The following PCLO variants were observed in gnomAD, a reference collection of about 807,000 sequenced individuals.
PCLO encodes the protein piccolo presynaptic cytomatrix protein.
PCLO carries 82 observed loss-of-function variants against 427.5 expected under a neutral mutation model. The observed-to-expected ratio is 0.19, with a 90% CI of 0.16 to 0.23. PCLO has a LOEUF of 0.23. Ranked by LOEUF, PCLO falls within the 10% of genes least tolerant of loss-of-function variation. The pLI is 1.00. For synonymous variants in PCLO, 2,357 were observed against 2,155.4 expected (o/e 1.09, Z -2.59); for missense variants, 6,239 against 6,115.9 (o/e 1.02, Z -0.67).
chr7:83,155,379 A>T lies in PCLO; in HGVS notation c.1262T>A (p.Leu421Gln). The T allele has an allele frequency of 6.2e-7, 1 of 1,611,808 alleles. No individual in the cohort carries two copies. The highest frequency in any genetic ancestry group is 8.5e-7 in the Non-Finnish European group (1 of 1,179,392). Residue 421 changes from leucine (L) to glutamine (Q), a missense_variant, in exon 2 of 25, where the codon CTA becomes CAA. Leu to Gln is a moderately radical substitution (Grantham distance 113). This residue lies in a region of PCLO where 4,677 missense variants were observed against 4,468.4 expected (regional missense o/e 1.05). Coordinates refer to ENST00000333891, the MANE Select transcript of PCLO (RefSeq NM_033026.6). ...AGACTGTAGCCCAGGTTGTTGAGCT[A>T]GGGGTTTTGGTGTCCCCACCTGCTG... is the stretch of plus-strand genomic sequence containing the variant. ...PTQQVGTPKPLAQQPGLQSPA... is the reference protein window; with the variant it reads ...PTQQVGTPKPQAQQPGLQSPA...
chr7:83,109,760 T>G (rs928133000), intron 3 of PCLO, among the ~76,000 whole-genome samples: 1 of 152,118 alleles, frequency 6.6e-6, no homozygotes, highest in African/African-American at 2.4e-5. Context: ...TATTTTCACC[T>G]AAGAAAAATG....
intron 3 of PCLO, among the ~76,000 whole-genome samples, chr7:83,031,486 G>A (rs1009607516): frequency 6.6e-6 from 1 of 151,994 alleles, no homozygotes; most frequent in African/African-American, 2.4e-5. Flanking sequence ...TCTATATCCT[G>A]GATGTAATAT....
At chr7:83,018,368 C>T (rs1788261106) in intron 3 of PCLO, among the ~76,000 whole-genome samples, 1 of 151,886 alleles carries the variant, frequency 6.6e-6, no homozygotes, top group Admixed American at 6.6e-5. Flanking sequence ...GTACTTTTAT[C>T]TTCAGGGAAT....
chr7:83,047,552 A>G (rs979779241), intron 3 of PCLO, among the ~76,000 whole-genome samples: 1 of 152,032 alleles, frequency 6.6e-6, no homozygotes, highest in South Asian at 2.1e-4. Context: ...ATTATTAATA[A>G]TGGAAAGAAG....
intron 2 of PCLO, among the ~76,000 whole-genome samples, chr7:83,142,216 G>A (rs1161310391): frequency 6.6e-6 from 1 of 152,126 alleles, no homozygotes; most frequent in Non-Finnish European, 1.5e-5. Context: ...ACAATGTTAG[G>A]AATTTATATT....
chr7:83,161,528 T>C (rs1473419664), intron 1 of PCLO, among the ~76,000 whole-genome samples: 1 of 152,200 alleles, frequency 6.6e-6, no homozygotes, highest in African/African-American at 2.4e-5. Flanking sequence ...CAGGCGGAAA[T>C]GAAAACATTC....
chr7:83,156,403 T>TAAA lies in PCLO; in HGVS notation c.249-14_249-12dup, dbSNP rs71074628. 1.1e-4 allele frequency: 119 copies of TAAA among 1,062,454 alleles called. No homozygotes were observed. The highest frequency in any genetic ancestry group is 4.0e-4 in the African/African-American group (23 of 57,746). The allele number at this position is 1,062,454 out of a possible 1,614,324, so 65.8% of individuals were successfully genotyped here. A position where few individuals can be genotyped will look rare whatever the true frequency, so the allele number is the denominator to read the frequency against. ...TCCAACTCTTGTTTCCTAGAAGAGTTAAAAAAAAAAAAAAAAATCAAGTGA... is the reference window on the plus strand; with the variant it reads ...TCCAACTCTTGTTTCCTAGAAGAGTTAAAAAAAAAAAAAAAAAAAATCAAGTGA... On this transcript the variant is annotated splice_polypyrimidine_tract_variant and intron_variant, in intron 1 of 24. Transcript: ENST00000333891.
chr7:82,841,365 A>T, intron 14 of PCLO, 94 bp downstream of exon 14: 1 of 761,276 alleles, frequency 1.3e-6, no homozygotes, highest in Non-Finnish European at 2.3e-6. Context: ...ACAGAATAAG[A>T]AAAATCCTAA....
At chr7:83,065,935 A>G (rs1789660147) in intron 3 of PCLO, among the ~76,000 whole-genome samples, 1 of 152,034 alleles carries the variant, frequency 6.6e-6, no homozygotes, top group African/African-American at 2.4e-5. Flanking sequence ...GTTTTACATC[A>G]TGTTTTCAGT....
intron 3 of PCLO, among the ~76,000 whole-genome samples, chr7:83,072,695 A>G (rs62458605): frequency 0.12 from 18,659 of 152,084 alleles, 1,430 homozygotes; most frequent in Middle Eastern, 0.26. Context: ...AGTCTCAGAT[A>G]TGATATCCAG....
At position 82,822,610 on chromosome 7, in the gene PCLO, A is replaced by C; in HGVS notation, c.14676T>G (p.Ser4892=). The C allele has an allele frequency of 1.2e-6, 2 of 1,613,814 alleles. No homozygotes were observed. Among genetic ancestry groups the C allele is most frequent in the Non-Finnish European group, 1.7e-6 (2 of 1,179,790 alleles). ...SKSSSEGHLR[S]HGPSRSQSKT... Reference sequence around the variant, plus strand: ...TGCTTTGACTGCGAGATGGTCCATGAGAACGGAGATGGCCTTCTGATGATG... The same window carrying C: ...TGCTTTGACTGCGAGATGGTCCATGCGAACGGAGATGGCCTTCTGATGATG... The change falls in exon 20 of 25, where the codon TCT becomes TCG. Residue 4892 remains serine (S), a synonymous_variant. Coordinates refer to ENST00000333891, the MANE Select transcript of PCLO (RefSeq NM_033026.6).
At chr7:82,863,008 A>G (rs1298164262) in intron 10 of PCLO, among the ~76,000 whole-genome samples, 2 of 152,022 alleles carry the variant, frequency 1.3e-5, no homozygotes, top group African/African-American at 4.8e-5. Context: ...GTATAAATGT[A>G]TTGTTTGTAA....
chr7:82,968,973 C>A (rs1436668523), intron 3 of PCLO, among the ~76,000 whole-genome samples: 1 of 151,972 alleles, frequency 6.6e-6, no homozygotes, highest in Non-Finnish European at 1.5e-5. Context: ...TTTTAATATA[C>A]CAGAAATATA....
chr7:82,851,061 T>C (rs758860500), intron 10 of PCLO, among the ~76,000 whole-genome samples: 6 of 152,150 alleles, frequency 3.9e-5, no homozygotes, highest in Non-Finnish European at 5.9e-5. Flanking sequence ...TGAGTGACTA[T>C]AAATAGATAA....
At chr7:82,965,040 G>C (rs1252589372) in intron 4 of PCLO, among the ~76,000 whole-genome samples, 1 of 152,018 alleles carries the variant, frequency 6.6e-6, no homozygotes. Flanking sequence ...AAAAATATCA[G>C]AGTTCCACTG....
At chr7:82,903,642 T>A (rs1183502620) in intron 8 of PCLO, among the ~76,000 whole-genome samples, 1 of 151,986 alleles carries the variant, frequency 6.6e-6, no homozygotes, top group African/African-American at 2.4e-5. Flanking sequence ...GTAAGATATT[T>A]ACTCTTACCT....
intron 10 of PCLO, among the ~76,000 whole-genome samples, chr7:82,870,836 T>C (rs901214482): frequency 2.0e-5 from 3 of 151,954 alleles, no homozygotes; most frequent in African/African-American, 7.2e-5. Flanking sequence ...AACAGATACA[T>C]TAAAATGCTC....
intron 3 of PCLO, among the ~76,000 whole-genome samples, chr7:83,060,434 G>C: frequency 6.6e-6 from 1 of 152,128 alleles, no homozygotes. Flanking sequence ...CACCAGACAA[G>C]GGCTAGAGAC....
At chr7:83,162,262 C>A in intron 1 of PCLO, 83 bp downstream of exon 1, 1 of 1,445,978 alleles carries the variant, frequency 6.9e-7, no homozygotes, top group South Asian at 1.4e-5. Flanking sequence ...TATGTACCGC[C>A]GTGCTGGCAC....
Sources: allele counts gnomAD v4.1 joint callset (sites outside exome capture counted in the v4.1 genomes callset), GRCh38; gene constraint gnomAD v4.1.1; regional missense constraint gnomAD v4.1.1; transcripts MANE v1.5; gene names NCBI Gene and HGNC (gene_info 2026-07-23, HGNC 2026-07-21).